SMARCB1: variants seen among roughly 807,000 people sequenced by gnomAD.
The protein encoded by SMARCB1 is SWI/SNF related BAF chromatin remodeling complex subunit B1, also known as SWI/SNF-related matrix-associated actin-dependent regulator of chromatin subfamily B member 1.
SMARCB1 carries 5 observed loss-of-function variants against 49.0 expected under a neutral mutation model. That is an observed-to-expected ratio of 0.10 (90% CI 0.05 to 0.21). SMARCB1 has a LOEUF of 0.21. Among genes scored for constraint, SMARCB1 ranks in the 10% least tolerant of loss-of-function variants. The pLI is 1.00. For missense variants in SMARCB1, 226 were observed against 509.2 expected (o/e 0.44, Z 5.35); for synonymous variants, 201 against 200.1 (o/e 1.00, Z -0.04).
At position 23,836,525 on chromosome 22, in the gene SMARCB1, C is replaced by T. The variant is rs1463632303; in HGVS notation, c.*2345C>T. ...GTGGGGCCAGGATGAGAACCCTGAG[C>T]CTGTCACCTGTGAGCTCAAAAGCTC... On this transcript the variant is annotated 3_prime_UTR_variant, in exon 9 of 9. Coordinates refer to ENST00000644036, the MANE Select transcript of SMARCB1 (RefSeq NM_003073.5). 1 of 1,036,628 alleles carries T rather than the reference C, an allele frequency of 9.6e-7. No individual in the cohort carries two copies. The highest frequency in any genetic ancestry group is 1.2e-6 in the Non-Finnish European group (1 of 864,738). 64.2% of individuals were successfully genotyped at this position (1,036,628 alleles called of 1,614,324 possible).
chr22:23,832,471 T>C (rs542011633), intron 7 of SMARCB1, among the ~76,000 whole-genome samples: 2 of 152,192 alleles, frequency 1.3e-5, no homozygotes, highest in African/African-American at 4.8e-5. Flanking sequence ...CAGGGTGTCC[T>C]TCTCCCAGGG....
In SMARCB1 at chr22:23,836,210, A is replaced by G. The variant is rs2031034970; in HGVS notation, c.*2030A>G. On this transcript the variant is annotated 3_prime_UTR_variant, in exon 9 of 9. Transcript: ENST00000644036. Reference sequence around the variant, plus strand: ...GAAAACTTAGGCTCTGAGGTCATAGAAAGGGCAGAAGACCTAGTCCTGGCC... The same window carrying G: ...GAAAACTTAGGCTCTGAGGTCATAGGAAGGGCAGAAGACCTAGTCCTGGCC... The G allele has an allele frequency of 1.0e-6, 1 of 985,430 alleles. No homozygotes were observed. Among genetic ancestry groups the G allele is most frequent in the Non-Finnish European group, 1.2e-6 (1 of 829,930 alleles). 61.0% of individuals were successfully genotyped at this position (985,430 alleles called of 1,614,324 possible).
chr22:23,795,823 T>G (rs943555042), intron 3 of SMARCB1, among the ~76,000 whole-genome samples: 6 of 140,358 alleles, frequency 4.3e-5, no homozygotes, highest in African/African-American at 1.3e-4. Context: ...GAGTTTTCAC[T>G]CTTGTTGCCC....
chr22:23,819,420 C>T (rs769427935), intron 6 of SMARCB1, among the ~76,000 whole-genome samples: 6 of 151,686 alleles, frequency 4.0e-5, no homozygotes, highest in Admixed American at 1.3e-4. Context: ...ACTCCTGCCT[C>T]CCAGGTTCAA....
rs558451210 is a variant in SMARCB1 at position 23,804,630 on chromosome 22, G to A, written c.628+1208G>A. 4.6e-5 allele frequency among the ~76,000 whole-genome samples: 7 copies of A among 152,220 alleles called. No individual in the cohort carries two copies. The South Asian group carries it at 1.2e-3, about 27-fold the overall frequency. On this transcript the variant is annotated intron_variant, in intron 5 of 8. Transcript: ENST00000644036. ...ACGATCTCGGCTCACTGCAACCTCC[G>A]CCTCCTAAGTTCAAGCGATTCTCGT...
intron 6 of SMARCB1, chr22:23,823,467 A>C (rs11703462): frequency 0.12 from 18,851 of 152,338 alleles, 1,254 homozygotes; most frequent in South Asian, 0.27. Context: ...GCCCGACTGC[A>C]GTCCCCATTG....
intron 3 of SMARCB1, among the ~76,000 whole-genome samples, chr22:23,800,027 C>T (rs897364061): frequency 6.6e-6 from 1 of 152,024 alleles, no homozygotes; most frequent in African/African-American, 2.4e-5. Context: ...CAGGGTTTCA[C>T]CATGTTGGCC....
intron 4 of SMARCB1, chr22:23,801,612 T>G (rs1305165495): frequency 1.7e-5 from 6 of 344,978 alleles, no homozygotes; most frequent in East Asian, 7.5e-5. Context: ...GGTCCTTGCT[T>G]CTTCCAGCTT....
At chr22:23,815,123 G>A (rs1678365296) in intron 5 of SMARCB1, 1 of 152,160 alleles carries the variant, frequency 6.6e-6, no homozygotes, top group Admixed American at 6.6e-5. Flanking sequence ...TTAAAAAGTG[G>A]TGACAGCATC....
chr22:23,792,320 C>T (rs373053912), intron 2 of SMARCB1: 10 of 344,814 alleles, frequency 2.9e-5, no homozygotes, highest in East Asian at 1.5e-4. Flanking sequence ...ACATCCATCC[C>T]ATAGCACTTC....
At chr22:23,799,423 G>C (rs901155707) in intron 3 of SMARCB1, among the ~76,000 whole-genome samples, 1 of 149,962 alleles carries the variant, frequency 6.7e-6, no homozygotes, top group Non-Finnish European at 1.5e-5. Context: ...GATTATAGAC[G>C]TGTGCCACCA....
At chr22:23,825,657 G>A in intron 7 of SMARCB1, 1 of 558,306 alleles carries the variant, frequency 1.8e-6, no homozygotes, top group Admixed American at 3.1e-5. Context: ...GTTCTGTCAG[G>A]GTGAACCTCA....
intron 5 of SMARCB1, among the ~76,000 whole-genome samples, chr22:23,813,749 A>AT (rs1291277036): frequency 2.0e-5 from 3 of 152,026 alleles, no homozygotes; most frequent in Non-Finnish European, 2.9e-5. Flanking sequence ...TCCCAGCAAG[A>AT]TTTTTTTTGT....
At chr22:23,816,028 G>C (rs1034506780) in intron 5 of SMARCB1, 3 of 153,264 alleles carry the variant, frequency 2.0e-5, no homozygotes, top group African/African-American at 7.2e-5. Flanking sequence ...GCTGTGGTCT[G>C]TTAGGCCGAC....
rs540209666 is a variant in SMARCB1 at position 23,795,453 on chromosome 22, C to T, written c.362+1765C>T. ...GGCGGATCACCTGAGGTCAGGAGTT[C>T]GAGACCAGCCTGACCAACATGGTGA... On this transcript the variant is annotated intron_variant, in intron 3 of 8. Transcript: ENST00000644036. Among the ~76,000 whole-genome samples, 38 of 152,036 alleles carry T rather than the reference C, an allele frequency of 2.5e-4. 1 individual carries two copies. Among genetic ancestry groups the T allele is most frequent in the African/African-American group, 8.2e-4 (34 of 41,514 alleles).
rs1568969292 is a variant in SMARCB1, at chr22:23,837,753, G to GA, written c.*3575dup. 3 of 1,614,050 alleles carry GA rather than the reference G, an allele frequency of 1.9e-6. No homozygotes were observed. The Admixed American group carries it at 5.0e-5, about 27-fold the overall frequency. ...GTGCCTGGAAAGTGAGCAGGCCGAA[G>GA]AAGTTGACCCTCACCCGAGGGCTGC... On this transcript the variant is annotated 3_prime_UTR_variant, in exon 9 of 9. Coordinates refer to ENST00000644036, the MANE Select transcript of SMARCB1 (RefSeq NM_003073.5).
intron 5 of SMARCB1, chr22:23,816,490 A>G: frequency 1.7e-6 from 1 of 583,686 alleles, no homozygotes; most frequent in Non-Finnish European, 3.1e-6. Context: ...GGATAATCTC[A>G]TGCGCCCACC....
At chr22:23,818,534 T>G (rs984443930) in intron 6 of SMARCB1, 3 of 152,194 alleles carry the variant, frequency 2.0e-5, no homozygotes, top group Non-Finnish European at 4.4e-5. Context: ...ACCACTTAAG[T>G]GTAAATTCAG....
Position 23,835,346 on chromosome 22 carries a change from GCA to G in SMARCB1, c.*1169_*1170del. On this transcript the variant is annotated 3_prime_UTR_variant, in exon 9 of 9. Transcript: ENST00000644036. ...GGCACAGATCCGGGCACAGATCCCA[GCA>G]CAGACTGCTGCCACCCTCAGCTGTT... 4 of 997,098 alleles carry G rather than the reference GCA, an allele frequency of 4.0e-6. No individual in the cohort carries two copies. The South Asian group carries it at 1.9e-4, about 46-fold the overall frequency. 61.8% of individuals were successfully genotyped at this position (997,098 alleles called of 1,614,324 possible).
Sources: allele counts gnomAD v4.1 joint callset (sites outside exome capture counted in the v4.1 genomes callset), GRCh38; gene constraint gnomAD v4.1.1; transcripts MANE v1.5; gene names NCBI Gene and HGNC (gene_info 2026-07-23, HGNC 2026-07-21).